The following ZBTB16 variants were observed in gnomAD, a reference collection of about 807,000 sequenced individuals.
ZBTB16 encodes the protein zinc finger and BTB domain containing 16, also known as zinc finger and BTB domain-containing protein 16.
ZBTB16 carries 8 observed loss-of-function variants against 56.8 expected under a neutral mutation model. The observed-to-expected ratio is 0.14, with a 90% CI of 0.08 to 0.25. ZBTB16 has a LOEUF of 0.25. Ranked by LOEUF, ZBTB16 falls within the 10% of genes least tolerant of loss-of-function variation. The pLI, the probability that ZBTB16 is intolerant of heterozygous loss-of-function variation, is 1.00. For missense variants in ZBTB16, 625 were observed against 903.0 expected, an observed-to-expected ratio of 0.69 and a Z score of 3.95; for synonymous variants, 363 against 368.5, an observed-to-expected ratio of 0.98 and a Z score of 0.17.
At position 114,254,977 on chromosome 11, in the gene ZBTB16, A is replaced by G; in HGVS notation, c.*4422A>G. Among the ~76,000 whole-genome samples the G allele has an allele frequency of 6.6e-6, 1 of 152,208 alleles. No individual in the cohort carries two copies. ...GGCCTCCCCGGGCCCTTGGCATCCA[A>G]CTTCGCAGACAGGGTACCAGCCTCC... is the stretch of plus-strand genomic sequence containing the variant. On this transcript the variant is annotated 3_prime_UTR_variant, in exon 7 of 7. Transcript: ENST00000335953.
intron 2 of ZBTB16, among the ~76,000 whole-genome samples, chr11:114,110,441 C>G (rs1940964771): frequency 6.6e-6 from 1 of 152,136 alleles, no homozygotes; most frequent in Non-Finnish European, 1.5e-5. Context: ...AGCCAGTAAA[C>G]TTTTAGGGCT....
intron 2 of ZBTB16, among the ~76,000 whole-genome samples, chr11:114,145,816 G>A (rs1942082729): frequency 6.6e-6 from 1 of 152,184 alleles, no homozygotes; most frequent in African/African-American, 2.4e-5. Context: ...CCTCAGTAAA[G>A]CTATTTAGAA....
At chr11:114,149,722 T>C (rs1429747352) in intron 2 of ZBTB16, among the ~76,000 whole-genome samples, 1 of 152,194 alleles carries the variant, frequency 6.6e-6, no homozygotes, top group African/African-American at 2.4e-5. Flanking sequence ...GCTTGTCAAA[T>C]GACTGTCTAA....
chr11:114,077,106 T>C (rs1308961528), intron 2 of ZBTB16, among the ~76,000 whole-genome samples: 1 of 152,138 alleles, frequency 6.6e-6, no homozygotes, highest in Non-Finnish European at 1.5e-5. Context: ...GAGGGTTTTG[T>C]GTGTTGAGAT....
intron 3 of ZBTB16, among the ~76,000 whole-genome samples, chr11:114,176,630 C>T (rs967290982): frequency 3.3e-4 from 51 of 152,322 alleles, no homozygotes; most frequent in Non-Finnish European, 3.1e-4. Context: ...TTTGAGCTCT[C>T]GTGTACGGCC....
At chr11:114,222,049 A>G (rs1393210501) in intron 4 of ZBTB16, among the ~76,000 whole-genome samples, 4 of 152,132 alleles carry the variant, frequency 2.6e-5, no homozygotes, top group Admixed American at 6.5e-5. Flanking sequence ...GAAACAAGTG[A>G]GTCTTGGGTG....
intron 2 of ZBTB16, among the ~76,000 whole-genome samples, chr11:114,116,534 ATCT>A (rs1941181710): frequency 1.3e-5 from 2 of 151,894 alleles, no homozygotes; most frequent in East Asian, 1.9e-4. Context: ...TTGCATCGTC[ATCT>A]TCTTTTTTTA....
At chr11:114,222,636 G>C (rs1282646302) in intron 4 of ZBTB16, among the ~76,000 whole-genome samples, 2 of 152,104 alleles carry the variant, frequency 1.3e-5, no homozygotes, top group Non-Finnish European at 2.9e-5. Context: ...AGGACTGAGA[G>C]CAACTCACAT....
chr11:114,230,634 G>GC (rs1555159026), intron 4 of ZBTB16, among the ~76,000 whole-genome samples: 2 of 132,784 alleles, frequency 1.5e-5, no homozygotes, highest in Non-Finnish European at 3.2e-5. Context: ...TCTTCTGTGG[G>GC]GGGGGGGCGG....
At chr11:114,196,825 A>C (rs1041018836) in intron 4 of ZBTB16, among the ~76,000 whole-genome samples, 12 of 152,106 alleles carry the variant, frequency 7.9e-5, no homozygotes, top group African/African-American at 2.7e-4. Context: ...TATTTTTATT[A>C]AGTCTTCACT....
At chr11:114,080,374 T>C (rs1263394780) in intron 2 of ZBTB16, among the ~76,000 whole-genome samples, 1 of 152,144 alleles carries the variant, frequency 6.6e-6, no homozygotes. Flanking sequence ...TCTGTTGGAC[T>C]CGGCTCTTTT....
chr11:114,132,305 A>G (rs1037635079), intron 2 of ZBTB16, among the ~76,000 whole-genome samples: 1 of 152,170 alleles, frequency 6.6e-6, no homozygotes, highest in Non-Finnish European at 1.5e-5. Context: ...GCAGGGGCTC[A>G]TTATTTCATA....
At chr11:114,132,718 T>C (rs1200651363) in intron 2 of ZBTB16, among the ~76,000 whole-genome samples, 1 of 152,216 alleles carries the variant, frequency 6.6e-6, no homozygotes, top group Non-Finnish European at 1.5e-5. Flanking sequence ...ATCTCGAGCA[T>C]TGTTCATGAG....
chr11:114,063,138 CT>C lies in ZBTB16; in HGVS notation c.-90-69del. ...GCATGTTGTAGTGGTTGAATTCTTA[CT>C]TTTAGGGACACTGATGAATTTGTCT... is the stretch of plus-strand genomic sequence containing the variant. On this transcript the variant is annotated intron_variant, in intron 1 of 6. Transcript: ENST00000335953. The surrounding 1 kb of genome is among the most constrained non-coding windows in gnomAD (Gnocchi z 6.5). The C allele has an allele frequency of 1.3e-6, 1 of 775,750 alleles. No homozygotes were observed. The highest frequency in any genetic ancestry group is 1.7e-5 in the South Asian group (1 of 60,572). The allele number at this position is 775,750 out of a possible 1,614,324, so 48.1% of individuals were successfully genotyped here. A position where few individuals can be genotyped will look rare whatever the true frequency, so the allele number is the denominator to read the frequency against.
intron 4 of ZBTB16, chr11:114,209,923 T>G: frequency 2.0e-6 from 2 of 985,464 alleles, no homozygotes; most frequent in Non-Finnish European, 2.4e-6. Context: ...GTCTCAGGAA[T>G]GCAGCCACAG....
At chr11:114,163,008 C>A (rs1942634896) in intron 3 of ZBTB16, among the ~76,000 whole-genome samples, 1 of 152,140 alleles carries the variant, frequency 6.6e-6, no homozygotes, top group Admixed American at 6.5e-5. Flanking sequence ...CTTGCAGATG[C>A]GCCTCCAAGA....
At chr11:114,197,221 C>T (rs547610675) in intron 4 of ZBTB16, among the ~76,000 whole-genome samples, 2 of 152,314 alleles carry the variant, frequency 1.3e-5, no homozygotes, top group African/African-American at 4.8e-5. Flanking sequence ...CAACCAGATG[C>T]AAATGTTGAG....
chr11:114,142,426 A>G (rs1941977223), intron 2 of ZBTB16, among the ~76,000 whole-genome samples: 1 of 152,250 alleles, frequency 6.6e-6, no homozygotes, highest in African/African-American at 2.4e-5. Context: ...ACTGCTCAAT[A>G]ACACAGGCCT....
At chr11:114,196,484 TA>T (rs1943614888) in intron 4 of ZBTB16, among the ~76,000 whole-genome samples, 2 of 152,194 alleles carry the variant, frequency 1.3e-5, no homozygotes, top group African/African-American at 2.4e-5. Context: ...TAGGTTGAAC[TA>T]GACCCTAGAC....
Sources: gnomAD v4.1 joint callset for allele counts (sites outside exome capture counted in the v4.1 genomes callset) on GRCh38, gnomAD v4.1.1 for gene constraint, Gnocchi (gnomAD v3.1) non-coding constraint, MANE v1.5 for transcripts, NCBI Gene and HGNC (gene_info 2026-07-23, HGNC 2026-07-21) for gene names.